DGKB: variants seen among roughly 807,000 people sequenced by gnomAD.
DGKB encodes the protein diacylglycerol kinase beta, also known as 90 kDa diacylglycerol kinase.
A neutral mutation model predicts 114.3 loss-of-function variants in DGKB; 67 were observed. The ratio of observed to expected loss-of-function variants is 0.59; its 90% confidence interval spans 0.48 to 0.72. The LOEUF (loss-of-function observed/expected upper bound fraction) is 0.72, where lower values mean the gene tolerates loss of function less well. Among genes scored for constraint, DGKB ranks in the 30% least tolerant of loss-of-function variants. The pLI is 0.00. For missense variants in DGKB, 907 were observed against 975.2 expected (o/e 0.93, Z 0.93); for synonymous variants, 398 against 323.1 (o/e 1.23, Z -2.49).
At chr7:14,686,666 A>T (rs1821740950) in intron 9 of DGKB, among the ~76,000 whole-genome samples, 1 of 152,190 alleles carries the variant, frequency 6.6e-6, no homozygotes, top group Non-Finnish European at 1.5e-5. Flanking sequence ...CAGTCAAGGG[A>T]TAAACCACCA....
chr7:14,789,708 C>G (rs1044363602), intron 2 of DGKB, among the ~76,000 whole-genome samples: 1 of 141,866 alleles, frequency 7.0e-6, no homozygotes, highest in Non-Finnish European at 1.5e-5. Flanking sequence ...GTGCATGTTA[C>G]CACATCTGGC....
chr7:14,387,274 G>A (rs1457833995), intron 21 of DGKB, among the ~76,000 whole-genome samples: 1 of 151,806 alleles, frequency 6.6e-6, no homozygotes. Flanking sequence ...TTAGCTGGGC[G>A]AGGTAGCATG....
chr7:14,370,299 G>C (rs766188792), intron 21 of DGKB, among the ~76,000 whole-genome samples: 1 of 151,672 alleles, frequency 6.6e-6, no homozygotes, highest in African/African-American at 2.4e-5. Context: ...GTGTTCCATT[G>C]GTCTATATAT....
intron 23 of DGKB, among the ~76,000 whole-genome samples, chr7:14,313,363 G>A (rs571897625): frequency 1.3e-5 from 2 of 152,136 alleles, no homozygotes; most frequent in East Asian, 1.9e-4. Flanking sequence ...CTGAGGTACC[G>A]GGTTCATCTC....
chr7:14,664,866 G>A (rs1563841783), intron 13 of DGKB, among the ~76,000 whole-genome samples: 1 of 151,232 alleles, frequency 6.6e-6, no homozygotes, highest in Non-Finnish European at 1.5e-5. Flanking sequence ...ATTGTCTTTA[G>A]TAAAAATTAA....
chr7:14,419,536 G>A (rs1826337210), intron 21 of DGKB, among the ~76,000 whole-genome samples: 1 of 151,404 alleles, frequency 6.6e-6, no homozygotes, highest in Admixed American at 6.6e-5. Flanking sequence ...TATGAAAAAT[G>A]TTACTTAGTG....
intron 2 of DGKB, among the ~76,000 whole-genome samples, chr7:14,819,258 A>G (rs891048809): frequency 6.6e-6 from 1 of 152,172 alleles, no homozygotes; most frequent in East Asian, 1.9e-4. Flanking sequence ...GGATAAATAA[A>G]TAACTTTCCA....
chr7:14,501,404 AACAT>A (rs1209318571), intron 20 of DGKB, among the ~76,000 whole-genome samples: 1 of 152,068 alleles, frequency 6.6e-6, no homozygotes, highest in East Asian at 1.9e-4. Context: ...ATACATAAGA[AACAT>A]ACAAAGTTTT....
chr7:14,402,072 G>A (rs578054572), intron 21 of DGKB, among the ~76,000 whole-genome samples: 1 of 151,292 alleles, frequency 6.6e-6, no homozygotes, highest in East Asian at 1.9e-4. Flanking sequence ...CAGATTCTTG[G>A]GCAGGGGCTA....
chr7:14,917,204 C>T (rs1784286179), intron 1 of DGKB, among the ~76,000 whole-genome samples: 2 of 151,954 alleles, frequency 1.3e-5, no homozygotes, highest in Non-Finnish European at 2.9e-5. Context: ...AATCAACAAT[C>T]AAGTCTTCCA....
chr7:14,685,217 G>A, intron 10 of DGKB, 28 bp downstream of exon 10: 2 of 1,447,734 alleles, frequency 1.4e-6, no homozygotes, highest in Non-Finnish European at 1.9e-6. Flanking sequence ...TTGAGGAGAT[G>A]ATGTCCAGGC....
intron 2 of DGKB, among the ~76,000 whole-genome samples, chr7:14,793,982 TCCAGC>T (rs1215323136): frequency 6.6e-6 from 1 of 152,090 alleles, no homozygotes; most frequent in African/African-American, 2.4e-5. Flanking sequence ...TCTTATTTTC[TCCAGC>T]CCTCAGATAG....
chr7:14,688,416 G>C (rs1440102158), intron 9 of DGKB, among the ~76,000 whole-genome samples: 1 of 152,014 alleles, frequency 6.6e-6, no homozygotes, highest in Non-Finnish European at 1.5e-5. Context: ...GTGGTGTGAG[G>C]TTTCATTATA....
intron 23 of DGKB, among the ~76,000 whole-genome samples, chr7:14,259,395 CTCTCTCTCTCTCTATA>C (rs1321577321): frequency 2.1e-5 from 2 of 97,050 alleles, no homozygotes; most frequent in Admixed American, 1.0e-4. Flanking sequence ...CTCTCTCTCT[CTCTCTCTCTCTCTATA>C]TATATATATA....
intron 25 of DGKB, among the ~76,000 whole-genome samples, chr7:14,158,436 T>C (rs965528834): frequency 3.3e-5 from 5 of 152,056 alleles, no homozygotes; most frequent in Admixed American, 1.3e-4. Context: ...TAATTATTTC[T>C]GTTTGTTTGT....
At position 14,221,508 on chromosome 7, in the gene DGKB, C is replaced by T. The variant is rs533318155; in HGVS notation, c.2123-43357G>A. On this transcript the variant is annotated intron_variant, in intron 23 of 25. Transcript: ENST00000402815. ...TCCAGGTGTTAAACCAACTCTCATT[C>T]CTGGGATAAATATCATTTGTTCATG... 2.1e-4 allele frequency among the ~76,000 whole-genome samples: 32 copies of T among 151,340 alleles called. 1 individual carries two copies. In the South Asian group the frequency reaches 5.8e-3, roughly 27 times the overall value.
chr7:14,547,775 C>T (rs528323919), intron 20 of DGKB, among the ~76,000 whole-genome samples: 15 of 152,152 alleles, frequency 9.9e-5, no homozygotes, highest in Non-Finnish European at 1.9e-4. Flanking sequence ...ATTAAATTAG[C>T]TATGGAACAT....
intron 1 of DGKB, among the ~76,000 whole-genome samples, chr7:14,923,475 A>G (rs952063549): frequency 9.2e-5 from 14 of 152,152 alleles, no homozygotes; most frequent in African/African-American, 3.4e-4. Flanking sequence ...CTGTTTCCTT[A>G]TTTGTAGAAT....
intron 20 of DGKB, among the ~76,000 whole-genome samples, chr7:14,489,704 T>C (rs1784340544): frequency 6.6e-6 from 1 of 152,008 alleles, no homozygotes; most frequent in Non-Finnish European, 1.5e-5. Context: ...ACCAAAGCGG[T>C]ATGAGTGGTC....
Sources: allele counts gnomAD v4.1 joint callset (sites outside exome capture counted in the v4.1 genomes callset), GRCh38; gene constraint gnomAD v4.1.1; transcripts MANE v1.5; gene names NCBI Gene and HGNC (gene_info 2026-07-23, HGNC 2026-07-21).